Variants in PAX3 observed in about 807,000 individuals in gnomAD.
The protein encoded by PAX3 is paired box protein Pax-3.
Under a neutral mutation model 51.6 loss-of-function variants are expected in PAX3, and 14 were observed. The ratio of observed to expected loss-of-function variants is 0.27; its 90% CI spans 0.18 to 0.42. PAX3 has a LOEUF of 0.42. PAX3 is among the 10% of genes least tolerant of loss of function. PAX3 has a pLI of 1.00. For synonymous variants in PAX3, 280 were observed against 253.4 expected (o/e 1.11, Z -1.00); for missense variants, 540 against 642.8 (o/e 0.84, Z 1.73).
At chr2:222,293,362 G>C (rs75650435) in intron 4 of PAX3, among the ~76,000 whole-genome samples, 3 of 152,138 alleles carry the variant, frequency 2.0e-5, no homozygotes, top group South Asian at 4.2e-4. Flanking sequence ...TTTTGCGTTT[G>C]TACCCTTAAA....
chr2:222,243,998 T>A (rs1306617152), intron 4 of PAX3, among the ~76,000 whole-genome samples: 1 of 152,132 alleles, frequency 6.6e-6, no homozygotes, highest in African/African-American at 2.4e-5. Context: ...GAAGAGGGGA[T>A]AATGAATGAG....
intron 4 of PAX3, among the ~76,000 whole-genome samples, chr2:222,254,652 A>G (rs56822605): frequency 0.12 from 17,610 of 152,194 alleles, 1,231 homozygotes; most frequent in East Asian, 0.32. Flanking sequence ...GAGTTAATAA[A>G]TGATTATTTC....
intron 4 of PAX3, among the ~76,000 whole-genome samples, chr2:222,239,568 G>C (rs2217466): frequency 0.43 from 64,781 of 151,912 alleles, 14,547 homozygotes; most frequent in East Asian, 0.83. Context: ...TTAACGTGTA[G>C]CTAGAACTGT....
chr2:222,221,256 C>A lies in PAX3; in HGVS notation c.924G>T (p.Ser308=), dbSNP rs199952493. 6.8e-6 allele frequency: 11 copies of A among 1,613,826 alleles called. No individual in the cohort carries two copies. The highest frequency in any genetic ancestry group is 8.5e-7 in the Non-Finnish European group (1 of 1,179,932). The change falls in exon 6 of 9, where the codon TCG becomes TCT. Residue 308 remains serine, a synonymous_variant. Coordinates refer to ENST00000392070, the MANE Select transcript of PAX3 (RefSeq NM_181458.4). ...TAGATGTGGGCTGGTAAGAGGTCTC[C>A]GACAGCTGGTACGTTGGCAAGGTCG... The part of the protein sequence containing the change: ...AMPTLPTYQL[S]ETSYQPTSIP...
chr2:222,251,968 C>T (rs1458449145), intron 4 of PAX3, among the ~76,000 whole-genome samples: 1 of 152,142 alleles, frequency 6.6e-6, no homozygotes, highest in Non-Finnish European at 1.5e-5. Flanking sequence ...CGAGACAAAA[C>T]AATACCTCCA....
At chr2:222,209,751 G>T (rs1486697421) in intron 7 of PAX3, among the ~76,000 whole-genome samples, 1 of 137,884 alleles carries the variant, frequency 7.3e-6, no homozygotes, top group Non-Finnish European at 1.5e-5. Context: ...AATTAGCTGG[G>T]CATGGTGGCA....
At chr2:222,231,424 C>A (rs1174394897) in intron 5 of PAX3, among the ~76,000 whole-genome samples, 7 of 152,184 alleles carry the variant, frequency 4.6e-5, no homozygotes, top group Non-Finnish European at 1.0e-4. Context: ...GTAGCCTTTC[C>A]AGAAGGTTCA....
At chr2:222,235,455 A>G (rs1388521996) in intron 4 of PAX3, among the ~76,000 whole-genome samples, 1 of 152,152 alleles carries the variant, frequency 6.6e-6, no homozygotes, top group Non-Finnish European at 1.5e-5. Context: ...CCCAACATCT[A>G]TTCAGATGGG....
intron 4 of PAX3, among the ~76,000 whole-genome samples, chr2:222,245,789 G>T (rs1391636458): frequency 1.4e-5 from 2 of 147,404 alleles, no homozygotes; most frequent in Non-Finnish European, 3.0e-5. Context: ...GGCCAACATG[G>T]TGAAACCCCA....
At chr2:222,232,381 C>A in intron 4 of PAX3, 98 bp from the exon 5 acceptor site, 1 of 997,738 alleles carries the variant, frequency 1.0e-6, no homozygotes, top group Admixed American at 1.9e-5. Flanking sequence ...GACACCATTA[C>A]AGTGATCCCT....
chr2:222,218,108 A>C (rs1468549627), intron 7 of PAX3, among the ~76,000 whole-genome samples: 2 of 152,174 alleles, frequency 1.3e-5, no homozygotes, highest in Non-Finnish European at 2.9e-5. Context: ...AATGCAAAAT[A>C]CCCTGCATAT....
rs61071392 is a variant in PAX3 at position 222,254,101 on chromosome 2, GT to G, written c.587-21819del. On this transcript the variant is annotated intron_variant, in intron 4 of 8. Coordinates refer to ENST00000392070, the MANE Select transcript of PAX3 (RefSeq NM_181458.4). Reference sequence around the variant, plus strand: ...GAGCTCACAGTACAGCAAATGACAAGTTTTTTTTTAATATGACATCCAATCT... The same window carrying G: ...GAGCTCACAGTACAGCAAATGACAAGTTTTTTTTAATATGACATCCAATCT... Among the ~76,000 whole-genome samples the G allele has an allele frequency of 3.3e-3, 503 of 151,662 alleles. 3 individuals carry two copies. The highest frequency in any genetic ancestry group is 0.011 in the African/African-American group (457 of 41,370).
intron 4 of PAX3, among the ~76,000 whole-genome samples, chr2:222,288,786 T>G (rs538872867): frequency 2.0e-5 from 3 of 152,348 alleles, no homozygotes; most frequent in South Asian, 2.1e-4. Context: ...GTAACTGGTT[T>G]CAGTTCCTAT....
At chr2:222,256,070 C>T (rs909203232) in intron 4 of PAX3, among the ~76,000 whole-genome samples, 9 of 151,718 alleles carry the variant, frequency 5.9e-5, no homozygotes, top group African/African-American at 2.2e-4. Flanking sequence ...CGCCCAGCCC[C>T]GATTATATTA....
chr2:222,285,983 GCTGAAGT>G (rs963815350), intron 4 of PAX3, among the ~76,000 whole-genome samples: 1 of 152,124 alleles, frequency 6.6e-6, no homozygotes, highest in Non-Finnish European at 1.5e-5. Context: ...TGTCATCCAG[GCTGAAGT>G]GCAGTAGCAC....
intron 4 of PAX3, among the ~76,000 whole-genome samples, chr2:222,284,548 T>G (rs749114556): frequency 3.2e-4 from 49 of 152,232 alleles, no homozygotes; most frequent in Non-Finnish European, 6.0e-4. Flanking sequence ...TAATAGTTGC[T>G]CATAAACTCA....
At chr2:222,271,624 T>C (rs1694256617) in intron 4 of PAX3, among the ~76,000 whole-genome samples, 1 of 152,248 alleles carries the variant, frequency 6.6e-6, no homozygotes, top group Non-Finnish European at 1.5e-5. Flanking sequence ...TGTGCCTTGA[T>C]GCCAAGGGAA....
intron 4 of PAX3, among the ~76,000 whole-genome samples, chr2:222,258,402 ATACT>A (rs1303661330): frequency 2.0e-5 from 3 of 151,882 alleles, no homozygotes; most frequent in African/African-American, 4.8e-5. Context: ...TTATTAAATA[ATACT>A]TAGTAAACCT....
chr2:222,275,654 T>C (rs1694393423), intron 4 of PAX3, among the ~76,000 whole-genome samples: 1 of 152,154 alleles, frequency 6.6e-6, no homozygotes, highest in Non-Finnish European at 1.5e-5. Flanking sequence ...CTTAGTAAAA[T>C]CTCCTCTTGA....
Sources: allele counts gnomAD v4.1 joint callset (sites outside exome capture counted in the v4.1 genomes callset), GRCh38; gene constraint gnomAD v4.1.1; transcripts MANE v1.5; gene names NCBI Gene and HGNC (gene_info 2026-07-23, HGNC 2026-07-21).